NTRK2: variants seen among roughly 807,000 people sequenced by gnomAD.
NTRK2 encodes the protein neurotrophic receptor tyrosine kinase 2, also known as BDNF/NT-3 growth factors receptor.
NTRK2 carries 13 observed loss-of-function variants against 94.5 expected under a neutral mutation model. That is an observed-to-expected ratio of 0.14 (90% CI 0.09 to 0.22). NTRK2 has a LOEUF of 0.22. Ranked by LOEUF, NTRK2 falls within the 10% of genes least tolerant of loss-of-function variation. The pLI is 1.00. For missense variants in NTRK2, 639 were observed against 1,071.2 expected (o/e 0.60, Z 5.63); for synonymous variants, 372 against 407.4 (o/e 0.91, Z 1.05).
chr9:84,753,157 TG>T (rs1390341254), intron 12 of NTRK2, among the ~76,000 whole-genome samples: 4 of 152,004 alleles, frequency 2.6e-5, no homozygotes, highest in Non-Finnish European at 5.9e-5. Context: ...GGTGGTAAAT[TG>T]GGGCTTAAAA....
intron 14 of NTRK2, among the ~76,000 whole-genome samples, chr9:84,892,616 G>T (rs1380911663): frequency 6.6e-6 from 1 of 152,156 alleles, no homozygotes; most frequent in African/African-American, 2.4e-5. Flanking sequence ...AGTACAAACT[G>T]CAGTTCAATA....
chr9:84,810,737 T>C (rs199570885), intron 12 of NTRK2: 33 of 1,523,796 alleles, frequency 2.2e-5, no homozygotes, highest in Non-Finnish European at 2.7e-5. Flanking sequence ...GGCTGTACTA[T>C]ATGAAGCCTG....
chr9:84,983,394 C>T (rs558659491), intron 17 of NTRK2, among the ~76,000 whole-genome samples: 23 of 152,214 alleles, frequency 1.5e-4, no homozygotes, highest in Non-Finnish European at 3.1e-4. Context: ...AAGGCTTCCA[C>T]TGGGGCCTTC....
At chr9:84,844,635 A>G (rs906208456) in intron 12 of NTRK2, among the ~76,000 whole-genome samples, 7 of 141,044 alleles carry the variant, frequency 5.0e-5, no homozygotes, top group African/African-American at 1.9e-4. Context: ...GAAAACTACA[A>G]TGTAATACCT....
Position 85,021,290 on chromosome 9 carries a change from A to T in NTRK2, c.2370A>T (p.Arg790=), listed in dbSNP as rs200571349. ...ECITQGRVLQ[R]PRTCPQEVYE... ...TCACTCAGGGCCGAGTCCTGCAGCG[A>T]CCCCGCACGTGCCCCCAGGAGGTGT... The change falls in exon 19 of 19, where the codon CGA becomes CGT. Residue 790 remains arginine, a synonymous_variant. Transcript: ENST00000277120. 3 of 1,613,630 alleles carry T rather than the reference A, an allele frequency of 1.9e-6. No individual in the cohort carries two copies. In the African/African-American group the frequency reaches 4.0e-5, roughly 22 times the overall value.
chr9:84,768,153 A>T (rs571743050), intron 12 of NTRK2, among the ~76,000 whole-genome samples: 1 of 152,332 alleles, frequency 6.6e-6, no homozygotes, highest in African/African-American at 2.4e-5. Flanking sequence ...GATTCTTACC[A>T]ATTTCAACAA....
intron 13 of NTRK2, among the ~76,000 whole-genome samples, chr9:84,866,381 T>A (rs1458307505): frequency 6.6e-6 from 1 of 152,212 alleles, no homozygotes; most frequent in Non-Finnish European, 1.5e-5. Context: ...AATATTATTT[T>A]GCATATAAGT....
intron 14 of NTRK2, among the ~76,000 whole-genome samples, chr9:84,924,216 CAAAGAAAGAAAGTAGAAAGAAAG>C: frequency 7.9e-6 from 1 of 126,688 alleles, no homozygotes; most frequent in South Asian, 2.5e-4. Flanking sequence ...GACCCTGTCT[CAAAGAAAGAAAGTAGAAAGAAAG>C]AAAGAAAGAA....
chr9:84,893,179 A>G (rs1381931381), intron 14 of NTRK2, among the ~76,000 whole-genome samples: 1 of 152,034 alleles, frequency 6.6e-6, no homozygotes, highest in Non-Finnish European at 1.5e-5. Flanking sequence ...TTTCCAGTCA[A>G]TTTCCTCCAC....
At chr9:84,902,148 A>C (rs758413977) in intron 14 of NTRK2, among the ~76,000 whole-genome samples, 12 of 151,928 alleles carry the variant, frequency 7.9e-5, no homozygotes, top group Non-Finnish European at 1.5e-4. Flanking sequence ...GGGACCTGAG[A>C]TCATGCTACT....
At chr9:84,865,384 AGTTT>A (rs1476070975) in intron 13 of NTRK2, among the ~76,000 whole-genome samples, 1 of 152,154 alleles carries the variant, frequency 6.6e-6, no homozygotes, top group African/African-American at 2.4e-5. Context: ...TCTCCTGCAT[AGTTT>A]GTTTAAGACA....
At chr9:84,968,854 C>T (rs1394091802) in intron 17 of NTRK2, among the ~76,000 whole-genome samples, 1 of 152,128 alleles carries the variant, frequency 6.6e-6, no homozygotes, top group Non-Finnish European at 1.5e-5. Flanking sequence ...TACTGTGCTA[C>T]ACCTAGCATA....
In NTRK2 at chr9:84,766,741, CA is replaced by C. The variant is rs541683198; in HGVS notation, c.1396+14657del. 1.5e-3 allele frequency among the ~76,000 whole-genome samples: 233 copies of C among 151,996 alleles called. 1 individual carries two copies. Among genetic ancestry groups the C allele is most frequent in the Admixed American group, 5.6e-3 (86 of 15,246 alleles). ...ACATTCAATGCACACAAACCACACACATTCAACACACTTTTAATACATACAT... is the reference window on the plus strand; with the variant it reads ...ACATTCAATGCACACAAACCACACACTTCAACACACTTTTAATACATACAT... On this transcript the variant is annotated intron_variant, in intron 12 of 18. Coordinates refer to ENST00000277120, the MANE Select transcript of NTRK2 (RefSeq NM_006180.6).
At chr9:84,830,261 A>G (rs1244444252) in intron 12 of NTRK2, among the ~76,000 whole-genome samples, 1 of 152,060 alleles carries the variant, frequency 6.6e-6, no homozygotes. Context: ...GTCCTTGTTT[A>G]CCCTCACGTT....
At chr9:84,861,191 T>A in intron 13 of NTRK2, 104 bp downstream of exon 13, 1 of 910,384 alleles carries the variant, frequency 1.1e-6, no homozygotes, top group Non-Finnish European at 1.7e-6. Flanking sequence ...TTTGATTCAT[T>A]TTCTGTGTTC....
At chr9:84,710,848 G>A in intron 6 of NTRK2, 57 bp downstream of exon 6, 2 of 1,577,960 alleles carry the variant, frequency 1.3e-6, no homozygotes, top group South Asian at 1.1e-5. Context: ...TCATTGCCTT[G>A]GTGCGGTAGT....
intron 12 of NTRK2, chr9:84,812,396 C>A: frequency 1.9e-6 from 2 of 1,057,518 alleles, no homozygotes. Flanking sequence ...GCCGCCAGTT[C>A]TCAAGTTTTC....
chr9:84,999,016 G>A (rs1178913796), intron 17 of NTRK2, among the ~76,000 whole-genome samples: 2 of 152,144 alleles, frequency 1.3e-5, no homozygotes, highest in Admixed American at 6.5e-5. Flanking sequence ...CTGACTTTGA[G>A]GTTCTTGGTG....
chr9:84,870,466 A>G (rs2075822558), intron 14 of NTRK2, among the ~76,000 whole-genome samples: 1 of 149,478 alleles, frequency 6.7e-6, no homozygotes, highest in Non-Finnish European at 1.5e-5. Context: ...CCTCCTGAGT[A>G]GCTAGGACTC....
Sources: allele counts gnomAD v4.1 joint callset (sites outside exome capture counted in the v4.1 genomes callset), GRCh38; gene constraint gnomAD v4.1.1; transcripts MANE v1.5; gene names NCBI Gene and HGNC (gene_info 2026-07-23, HGNC 2026-07-21).